Variants in SNRNP27 observed in about 807,000 individuals in gnomAD.
SNRNP27 encodes small nuclear ribonucleoprotein U4/U6.U5 subunit 27.
Under a neutral mutation model 25.1 loss-of-function variants are expected in SNRNP27, and 22 were observed. That is an observed-to-expected ratio of 0.88 (90% CI 0.63 to 1.25). SNRNP27 has a LOEUF of 1.25. SNRNP27 is among the 50% of genes most tolerant of loss of function. The pLI is 0.00. For missense variants in SNRNP27, 150 were observed against 202.3 expected, an observed-to-expected ratio of 0.74 and a Z score of 1.57; for synonymous variants, 66 against 64.9, an observed-to-expected ratio of 1.02 and a Z score of -0.08.
At position 69,896,824 on chromosome 2, in the gene SNRNP27, C is replaced by A. The variant is rs144081675; in HGVS notation, c.268+276C>A. On this transcript the variant is annotated intron_variant, in intron 3 of 5. Transcript: ENST00000244227. ...GAGTAGTTGGGATTACAGGCACCCGCCACTATGCCCGGCTAATTTTTGTAT... is the reference window on the plus strand; with the variant it reads ...GAGTAGTTGGGATTACAGGCACCCGACACTATGCCCGGCTAATTTTTGTAT... Among the ~76,000 whole-genome samples, 24 of 152,064 alleles carry A rather than the reference C, an allele frequency of 1.6e-4. No individual in the cohort carries two copies. The East Asian group carries it at 4.6e-3, about 29-fold the overall frequency.
chr2:69,900,809 C>T (rs1365937660), intron 4 of SNRNP27, among the ~76,000 whole-genome samples: 1 of 152,164 alleles, frequency 6.6e-6, no homozygotes, highest in Non-Finnish European at 1.5e-5. Flanking sequence ...AGACATATCC[C>T]TCCATCAAGA....
chr2:69,894,056 T>C, intron 1 of SNRNP27, 38 bp downstream of exon 1: 1 of 1,570,682 alleles, frequency 6.4e-7, no homozygotes, highest in Non-Finnish European at 8.8e-7. Flanking sequence ...TGGGGCTCTG[T>C]TGGAGGCCTG....
chr2:69,900,942 C>T (rs1321170272), intron 4 of SNRNP27, among the ~76,000 whole-genome samples: 2 of 151,938 alleles, frequency 1.3e-5, no homozygotes, highest in Non-Finnish European at 2.9e-5. Context: ...TTTGGGAGGC[C>T]GAGGCGGGGG....
intron 4 of SNRNP27, chr2:69,897,771 G>A (rs1301812169): frequency 4.6e-6 from 1 of 217,504 alleles, no homozygotes; most frequent in East Asian, 1.2e-4. Context: ...AGTGTATTGT[G>A]GGAATTTCAG....
At chr2:69,894,396 T>C (rs1676563887) in intron 1 of SNRNP27, among the ~76,000 whole-genome samples, 1 of 152,182 alleles carries the variant, frequency 6.6e-6, no homozygotes, top group African/African-American at 2.4e-5. Flanking sequence ...GAGGGTAGTA[T>C]TGCCAACTTT....
intron 5 of SNRNP27, chr2:69,903,509 G>A (rs1194056025): frequency 1.3e-5 from 5 of 374,472 alleles, no homozygotes; most frequent in Non-Finnish European, 2.4e-5. Context: ...ATAATTTCAA[G>A]TCTATGGGCT....
At chr2:69,894,191 C>T (rs1403276817) in intron 1 of SNRNP27, among the ~76,000 whole-genome samples, 173 bp downstream of exon 1, 1 of 152,174 alleles carries the variant, frequency 6.6e-6, no homozygotes, top group Non-Finnish European at 1.5e-5. Context: ...CTTCAGCCCG[C>T]CCTCTCCGGT....
At chr2:69,894,979 C>T in intron 1 of SNRNP27, 115 bp from the exon 2 acceptor site, 3 of 1,449,132 alleles carry the variant, frequency 2.1e-6, no homozygotes, top group South Asian at 1.4e-5. Context: ...CTCCCAGCCT[C>T]TTTTTACCTT....
intron 4 of SNRNP27, among the ~76,000 whole-genome samples, chr2:69,898,647 C>T (rs1046259162): frequency 2.0e-5 from 3 of 152,110 alleles, no homozygotes; most frequent in African/African-American, 7.2e-5. Flanking sequence ...AAGTTTCTTT[C>T]TAACTAATGT....
chr2:69,894,448 C>A (rs1676564489), intron 1 of SNRNP27, among the ~76,000 whole-genome samples: 1 of 152,110 alleles, frequency 6.6e-6, no homozygotes, highest in South Asian at 2.1e-4. Context: ...CCATAACATA[C>A]AGTATGTGAT....
At chr2:69,901,099 G>A (rs114247629) in intron 4 of SNRNP27, among the ~76,000 whole-genome samples, 3,261 of 151,476 alleles carry the variant, frequency 0.022, 96 homozygotes, top group African/African-American at 0.075. Flanking sequence ...ACTTAAACCC[G>A]ACAGGCGGAG....
In SNRNP27 at chr2:69,894,034, A is replaced by T; in HGVS notation, c.34+16A>T. ...CCACGGAGGGGTGAGTCCTGTAGCA[A>T]TTCGGAGGATATGGGGCTCTGTTGG... On this transcript the variant is annotated intron_variant, in intron 1 of 5. Coordinates refer to ENST00000244227, the MANE Select transcript of SNRNP27 (RefSeq NM_006857.3). 7 of 1,611,042 alleles carry T rather than the reference A, an allele frequency of 4.3e-6. No homozygotes were observed. The highest frequency in any genetic ancestry group is 2.2e-5 in the South Asian group (2 of 91,016).
intron 4 of SNRNP27, among the ~76,000 whole-genome samples, chr2:69,902,539 G>GCTTCTGCTGCTTCTGCTGCTC (rs1215025201): frequency 6.8e-6 from 1 of 147,114 alleles, no homozygotes; most frequent in African/African-American, 2.6e-5. Flanking sequence ...TTCTGCTTCT[G>GCTTCTGCTGCTTCTGCTGCTC]CTTCTGCTGC....
chr2:69,902,831 G>T (rs1676729663), intron 4 of SNRNP27, among the ~76,000 whole-genome samples: 2 of 151,148 alleles, frequency 1.3e-5, no homozygotes, highest in African/African-American at 4.9e-5. Context: ...TGCTGCCGCT[G>T]CCGCTTCTTC....
At chr2:69,900,948 G>A (rs1056375436) in intron 4 of SNRNP27, among the ~76,000 whole-genome samples, 6 of 151,962 alleles carry the variant, frequency 3.9e-5, no homozygotes, top group Admixed American at 2.0e-4. Context: ...AGGCCGAGGC[G>A]GGGGATCACG....
chr2:69,896,295 G>A, intron 2 of SNRNP27, 141 bp from the exon 3 acceptor site: 1 of 735,122 alleles, frequency 1.4e-6, no homozygotes, highest in Non-Finnish European at 2.2e-6. Flanking sequence ...TAACAATCAA[G>A]GCCTTGGCAG....
intron 5 of SNRNP27, chr2:69,903,473 A>G (rs938225894): frequency 8.3e-5 from 38 of 456,078 alleles, no homozygotes; most frequent in Non-Finnish European, 1.4e-4. Context: ...TTTTAGGACT[A>G]TAGATAGTAA....
Position 69,903,063 on chromosome 2 carries a change from C to CT in SNRNP27, c.349-116dup, listed in dbSNP as rs569200637. 1.0e-4 allele frequency: 82 copies of CT among 800,916 alleles called. No individual in the cohort carries two copies. The South Asian group carries it at 1.2e-3, about 11-fold the overall frequency. The allele number at this position is 800,916 out of a possible 1,614,324, so 49.6% of individuals were successfully genotyped here. A position where few individuals can be genotyped will look rare whatever the true frequency, so the allele number is the denominator to read the frequency against. On this transcript the variant is annotated intron_variant, in intron 4 of 5. Transcript: ENST00000244227. ...GCTCAAGCAATCCTCCCACCTTAGC[C>CT]TTCCGCCAAGTAGCTGGGAGTACAG...
intron 4 of SNRNP27, chr2:69,897,755 G>A: frequency 3.5e-6 from 1 of 289,368 alleles, no homozygotes; most frequent in Non-Finnish European, 6.6e-6. Flanking sequence ...AGGTGTAAAG[G>A]AGCATAGTGT....
Sources: gnomAD v4.1 joint callset for allele counts (sites outside exome capture counted in the v4.1 genomes callset) on GRCh38, gnomAD v4.1.1 for gene constraint, MANE v1.5 for transcripts, NCBI Gene and HGNC (gene_info 2026-07-23, HGNC 2026-07-21) for gene names.